The following TRPM5 variants were observed in gnomAD, a reference collection of about 807,000 sequenced individuals.
The protein encoded by TRPM5 is transient receptor potential cation channel subfamily M member 5.
TRPM5 carries 121 observed loss-of-function variants against 124.9 expected under a neutral mutation model. The observed-to-expected ratio is 0.97, with a 90% CI of 0.84 to 1.13. TRPM5 has a LOEUF of 1.13. Among genes scored for constraint, TRPM5 ranks in the 50% most tolerant of loss-of-function variants. The pLI is 0.00. For synonymous variants in TRPM5, 781 were observed against 700.5 expected (o/e 1.11, Z -1.81); for missense variants, 1,643 against 1,589.1 (o/e 1.03, Z -0.58).
the TRPM5 span, among the ~76,000 whole-genome samples, chr11:2,439,782 A>C: frequency 3.3e-5 from 5 of 152,322 alleles, no homozygotes; most frequent in African/African-American, 1.2e-4. Flanking sequence ...TTCCCAAAGA[A>C]CTCAAAACAG....
At chr11:2,430,496 G>A in the TRPM5 span, among the ~76,000 whole-genome samples, 5 of 151,880 alleles carry the variant, frequency 3.3e-5, no homozygotes, top group African/African-American at 1.2e-4. Flanking sequence ...TAATTACAGT[G>A]GTAGTGGTGA....
At chr11:2,412,275 C>G in intron 15 of TRPM5, 22 bp from the exon 21 acceptor site, 1 of 1,586,098 alleles carries the variant, frequency 6.3e-7, no homozygotes, top group Non-Finnish European at 8.7e-7. Flanking sequence ...GTGGGCAGTC[C>G]ACTGACAGCT....
At chr11:2,419,808 C>A (rs1411033172) in intron 4 of TRPM5, among the ~76,000 whole-genome samples, 1 of 152,340 alleles carries the variant, frequency 6.6e-6, no homozygotes, top group East Asian at 1.9e-4. Context: ...CAGAGGTGCC[C>A]ATTTCTCGGG....
Position 2,405,023 on chromosome 11 carries a change from C to A in TRPM5, c.3412G>T (p.Gly1138Ter). The A allele has an allele frequency of 6.2e-7, 1 of 1,612,722 alleles. No homozygotes were observed. Among genetic ancestry groups the A allele is most frequent in the African/African-American group, 1.3e-5 (1 of 75,054 alleles). Residue 1138 changes from glycine to a stop codon, truncating the protein, a stop_gained, in exon 24 of 24, where the codon GGA becomes TGA. Coordinates refer to ENST00000155858, the Ensembl canonical transcript of TRPM5. LOFTEE classifies it low-confidence loss of function (END_TRUNC). ...TGGTCAGCAGCCACCAGCTGGCTTC[C>A]CTCGCCACAGTGCTGAGAGCCTGCT...
chr11:2,442,027 G>A, the TRPM5 span, among the ~76,000 whole-genome samples: 12 of 152,090 alleles, frequency 7.9e-5, no homozygotes, highest in South Asian at 4.1e-4. The surrounding 1 kb of genome is among the most constrained non-coding windows in gnomAD (Gnocchi z 5.9). Flanking sequence ...CTGCCTGACC[G>A]CCCTGCCTTT....
the TRPM5 span, among the ~76,000 whole-genome samples, chr11:2,440,489 T>A: frequency 6.6e-6 from 1 of 152,024 alleles, no homozygotes; most frequent in Non-Finnish European, 1.5e-5. The surrounding 1 kb of genome is among the most constrained non-coding windows in gnomAD (Gnocchi z 5.2). Flanking sequence ...TACCCTCCCA[T>A]CCATTCTGCA....
upstream of TRPM5, among the ~76,000 whole-genome samples, chr11:2,427,895 T>A (rs1845850915): frequency 6.6e-6 from 1 of 152,128 alleles, no homozygotes; most frequent in South Asian, 2.1e-4. Context: ...GACTGTCTCC[T>A]CCCTGCTGTG....
At chr11:2,407,090 CAGG>C in intron 20 of TRPM5, 26 bp downstream of exon 25, 1 of 1,043,038 alleles carries the variant, frequency 9.6e-7, no homozygotes, top group South Asian at 2.0e-5. Flanking sequence ...CGGCCTCACC[CAGG>C]TGCTCCCGCT....
the TRPM5 span, among the ~76,000 whole-genome samples, chr11:2,439,349 C>T: frequency 1.3e-5 from 2 of 152,188 alleles, no homozygotes; most frequent in Non-Finnish European, 2.9e-5. Context: ...AGCTAAAGAG[C>T]TTCTGCACAG....
chr11:2,440,297 C>A, the TRPM5 span, among the ~76,000 whole-genome samples: 1 of 152,176 alleles, frequency 6.6e-6, no homozygotes, highest in Admixed American at 6.5e-5. The surrounding 1 kb of genome is among the most constrained non-coding windows in gnomAD (Gnocchi z 5.2). Flanking sequence ...ATGTAACAAA[C>A]CTGCACACAT....
At chr11:2,426,873 A>T (rs1845844465), upstream of TRPM5, among the ~76,000 whole-genome samples, 1 of 152,158 alleles carries the variant, frequency 6.6e-6, no homozygotes, top group Admixed American at 6.5e-5. Context: ...CCTGGGCTGC[A>T]GTGGAGGACA....
In TRPM5 at chr11:2,406,743, C is replaced by T. The variant is rs367982158; in HGVS notation, c.3169G>A (p.Val1057Ile). Residue 1057 changes from valine (V) to isoleucine (I), a missense_variant, in exon 21 of 24, where the codon GTC becomes ATC. Physicochemically the swap from Val to Ile is conservative, Grantham distance 29. Coordinates refer to ENST00000155858, the Ensembl canonical transcript of TRPM5. ...TTGCTCAGGAAGTTCTCCTTCTGGA[C>T]TGTCTCCCAGGTGACGACCTTCTGG... The T allele has an allele frequency of 6.8e-6, 11 of 1,613,476 alleles. No individual in the cohort carries two copies. In the African/African-American group the frequency reaches 1.3e-4, roughly 20 times the overall value.
chr11:2,444,390 C>G, the TRPM5 span, among the ~76,000 whole-genome samples: 354 of 151,988 alleles, frequency 2.3e-3, 3 homozygotes, highest in African/African-American at 8.2e-3. Context: ...CCTCCTGCCC[C>G]CGCTGTGCCG....
At chr11:2,413,739 G>T in intron 12 of TRPM5, 151 bp from the exon 18 acceptor site, 1 of 789,056 alleles carries the variant, frequency 1.3e-6, no homozygotes, top group Non-Finnish European at 2.1e-6. Flanking sequence ...CGTCCTGGTG[G>T]GCATGTGCTC....
At chr11:2,437,505 G>A in the TRPM5 span, among the ~76,000 whole-genome samples, 3 of 152,130 alleles carry the variant, frequency 2.0e-5, no homozygotes, top group African/African-American at 2.4e-5. This position sits in a 1 kb window ranked among gnomAD's most constrained non-coding sequence, Gnocchi z 5.6. Flanking sequence ...AGTCAATGCC[G>A]GTGCTGACTG....
the TRPM5 span, among the ~76,000 whole-genome samples, chr11:2,434,182 CG>C: frequency 6.9e-6 from 1 of 145,896 alleles, no homozygotes; most frequent in African/African-American, 2.6e-5. Flanking sequence ...TCTGTGTGGA[CG>C]GTGTATGTGT....
chr11:2,422,586 C>G (rs557510698), intron 1 of TRPM5, among the ~76,000 whole-genome samples: 14 of 152,082 alleles, frequency 9.2e-5, no homozygotes, highest in African/African-American at 3.4e-4. Flanking sequence ...GCTGTGTGAC[C>G]TGGGCAGTCC....
chr11:2,436,059 C>T, the TRPM5 span, among the ~76,000 whole-genome samples: 1 of 152,250 alleles, frequency 6.6e-6, no homozygotes, highest in Non-Finnish European at 1.5e-5. Flanking sequence ...GCCTCACCTT[C>T]CGCTCCCCTG....
the TRPM5 span, among the ~76,000 whole-genome samples, chr11:2,440,260 C>A: frequency 6.6e-6 from 1 of 152,260 alleles, no homozygotes; most frequent in Middle Eastern, 3.4e-3. This position sits in a 1 kb window ranked among gnomAD's most constrained non-coding sequence, Gnocchi z 5.2. Context: ...ATCCATACCC[C>A]AAACCTCAGC....
Sources: gnomAD v4.1 joint callset for allele counts (sites outside exome capture counted in the v4.1 genomes callset) on GRCh38, gnomAD v4.1.1 for gene constraint, Gnocchi (gnomAD v3.1) non-coding constraint, MANE v1.5 for transcripts, NCBI Gene and HGNC (gene_info 2026-07-23, HGNC 2026-07-21) for gene names.